Variants in NUMA1 observed in about 807,000 individuals in gnomAD.
NUMA1 encodes SP-H antigen.
A neutral mutation model predicts 237.1 loss-of-function variants in NUMA1; 62 were observed. That is an observed-to-expected ratio of 0.26 (90% CI 0.21 to 0.32). The LOEUF is 0.32. NUMA1 is among the 10% of genes least tolerant of loss of function. The pLI, the probability that NUMA1 is intolerant of heterozygous loss-of-function variation, is 1.00. For synonymous variants in NUMA1, 1,028 were observed against 1,066.1 expected (o/e 0.96, Z 0.70); for missense variants, 2,533 against 2,666.5 (o/e 0.95, Z 1.10).
In NUMA1 at chr11:72,014,612, T is replaced by C; in HGVS notation, c.2891A>G (p.Gln964Arg). 1 of 1,608,430 alleles carries C rather than the reference T, an allele frequency of 6.2e-7. No individual in the cohort carries two copies. The highest frequency in any genetic ancestry group is 8.5e-7 in the Non-Finnish European group (1 of 1,180,002). Reference protein sequence around the residue: ...EQQGRQFCSTQAALQAMEREA... With the variant: ...EQQGRQFCSTRAALQAMEREA... ...CCGCTCCATAGCCTGCAGCGCTGCC[T>C]GTGTGCTGCAGAACTGGCGTCCCTG... The change falls in exon 15 of 27, where the codon CAG becomes CGG. Residue 964 changes from glutamine (Q) to arginine (R), a missense_variant. Coordinates refer to ENST00000393695, the MANE Select transcript of NUMA1 (RefSeq NM_006185.4). This position sits in a 1 kb window ranked among gnomAD's most constrained non-coding sequence, Gnocchi z 4.6.
In NUMA1 at chr11:72,006,283, T is replaced by C; in HGVS notation, c.5464-20A>G. 1 of 1,608,034 alleles carries C rather than the reference T, an allele frequency of 6.2e-7. No homozygotes were observed. Reference sequence around the variant, plus strand: ...TAGCTTCTGGAAGACAGAGTGAATCTGTTGCAGTGTACAGTCCCTGGCACT... The same window carrying C: ...TAGCTTCTGGAAGACAGAGTGAATCCGTTGCAGTGTACAGTCCCTGGCACT... On this transcript the variant is annotated intron_variant, in intron 21 of 26. Transcript: ENST00000393695.
Position 72,023,080 on chromosome 11 carries a change from C to T in NUMA1, c.276G>A (p.Glu92=). The T allele has an allele frequency of 6.2e-7, 1 of 1,613,824 alleles. No homozygotes were observed. Among genetic ancestry groups the T allele is most frequent in the Non-Finnish European group, 8.5e-7 (1 of 1,179,768 alleles). ...CCATAGGTACCTTCGCCAGTTCCAGCTCTGATCCCTCTAGCACCTTCTGTG... is the reference window on the plus strand; with the variant it reads ...CCATAGGTACCTTCGCCAGTTCCAGTTCTGATCCCTCTAGCACCTTCTGTG... The part of the protein sequence containing the change: ...VSAQKVLEGS[E]LELAKMTMLL... The change falls in exon 6 of 27, where the codon GAG becomes GAA. Residue 92 remains glutamate, a synonymous_variant. Transcript: ENST00000393695.
Position 72,014,855 on chromosome 11 carries a change from C to G in NUMA1, c.2648G>C (p.Arg883Thr). The G allele has an allele frequency of 6.2e-7, 1 of 1,614,260 alleles. No homozygotes were observed. The highest frequency in any genetic ancestry group is 8.5e-7 in the Non-Finnish European group (1 of 1,180,050). The change falls in exon 15 of 27, where the codon AGA becomes ACA. Residue 883 changes from arginine (R) to threonine (T), a missense_variant. Arg to Thr is a moderately conservative substitution (Grantham distance 71). Transcript: ENST00000393695. This position sits in a 1 kb window ranked among gnomAD's most constrained non-coding sequence, Gnocchi z 4.6. The part of the protein sequence containing the change: ...ELAELHANLA[R>T]ALQQVQEKEV... ...CTTCTCTTGGACCTGCTGGAGTGCT[C>G]TGGCCAGGTTGGCATGGAGCTCAGC...
intron 22 of NUMA1, 65 bp downstream of exon 22, chr11:72,005,969 TC>T (rs1426830156): frequency 2.3e-6 from 3 of 1,326,338 alleles, no homozygotes; most frequent in African/African-American, 1.5e-5. Flanking sequence ...TTTCCTCTTT[TC>T]CCTGTGCCAC....
Position 72,013,589 on chromosome 11 carries a change from C to A in NUMA1, c.3914G>T (p.Arg1305Leu), listed in dbSNP as rs773308468. The change falls in exon 15 of 27, where the codon CGG becomes CTG. Residue 1305 changes from arginine (R) to leucine (L), a missense_variant. Transcript: ENST00000393695. The surrounding 1 kb of genome is among the most constrained non-coding windows in gnomAD (Gnocchi z 6.8). Reference protein sequence around the residue: ...QSLREEAEKQRVASENLRQEL... With the variant: ...QSLREEAEKQLVASENLRQEL... ...CTGCCGCAGGTTCTCTGAAGCCACC[C>A]GCTGTTTCTCAGCCTCCTCCCGGAG... The A allele has an allele frequency of 6.2e-7, 1 of 1,612,730 alleles. No homozygotes were observed. The highest frequency in any genetic ancestry group is 8.5e-7 in the Non-Finnish European group (1 of 1,180,016).
chr11:72,004,230 T>G lies in NUMA1; in HGVS notation c.6118A>C (p.Lys2040Gln), dbSNP rs770301161. ...CCCTTCAGCCCCAGCCTCACCTGTT[T>G]AGTAGAAGCTGGAGCTGCTTTCTTC... ...AQKKAAPASTKQADRRQSMAF... is the reference protein window; with the variant it reads ...AQKKAAPASTQQADRRQSMAF... Residue 2040 changes from lysine (K) to glutamine (Q), a missense_variant, in exon 25 of 27, where the codon AAA becomes CAA. This residue lies in a region of NUMA1 where 795 missense variants were observed against 750.8 expected (regional missense o/e 1.06). Transcript: ENST00000393695. 1.9e-6 allele frequency: 3 copies of G among 1,610,432 alleles called. No individual in the cohort carries two copies. Among genetic ancestry groups the G allele is most frequent in the Non-Finnish European group, 2.5e-6 (3 of 1,178,882 alleles).
At chr11:72,066,485 C>T (rs540706186) in intron 2 of NUMA1, 1 of 152,304 alleles carries the variant, frequency 6.6e-6, no homozygotes, top group South Asian at 2.1e-4. Context: ...TCAGTTCATT[C>T]CCTAAAATAT....
intron 2 of NUMA1, chr11:72,042,184 C>A: frequency 6.6e-6 from 1 of 152,376 alleles, no homozygotes; most frequent in Non-Finnish European, 1.5e-5. Context: ...CATTTCCCCC[C>A]ACTGAATAGC....
chr11:72,030,547 T>G (rs1012723520), intron 3 of NUMA1, among the ~76,000 whole-genome samples: 2 of 152,208 alleles, frequency 1.3e-5, no homozygotes, highest in Non-Finnish European at 2.9e-5. Flanking sequence ...GGTTATTCAA[T>G]AAGTATACAT....
intron 3 of NUMA1, among the ~76,000 whole-genome samples, chr11:72,029,652 T>C (rs542434993): frequency 2.0e-5 from 3 of 152,236 alleles, no homozygotes; most frequent in Non-Finnish European, 4.4e-5. Flanking sequence ...GAAAGGCTCT[T>C]ACATTATAAC....
In NUMA1 at chr11:72,014,543, G is replaced by A. The variant is rs1223031309; in HGVS notation, c.2960C>T (p.Ala987Val). ...MGNELERLRA[A>V]LMESQGQQQE... ...CTGCTGCCCCTGGCTCTCCATCAGC[G>A]CGGCCCGCAGCCGTTCCAGCTCATT... Residue 987 changes from alanine to valine, a missense_variant, in exon 15 of 27, where the codon GCG (alanine) becomes GTG (valine). Coordinates refer to ENST00000393695, the MANE Select transcript of NUMA1 (RefSeq NM_006185.4). The surrounding 1 kb of genome is among the most constrained non-coding windows in gnomAD (Gnocchi z 4.6). 12 of 1,602,086 alleles carry A rather than the reference G, an allele frequency of 7.5e-6. No homozygotes were observed. Among genetic ancestry groups the A allele is most frequent in the African/African-American group, 5.3e-5 (4 of 74,910 alleles).
intron 3 of NUMA1, 23 bp from the exon 4 acceptor site, chr11:72,029,313 T>A: frequency 6.6e-7 from 1 of 1,523,308 alleles, no homozygotes. Flanking sequence ...GGGAACAGCC[T>A]AGTGAGACCG....
intron 10 of NUMA1, 110 bp downstream of exon 10, chr11:72,018,713 C>T: frequency 7.3e-7 from 1 of 1,364,298 alleles, no homozygotes; most frequent in Non-Finnish European, 1.0e-6. Context: ...ACCACAGGCC[C>T]AGGGCTGAGC....
intron 21 of NUMA1, 48 bp from the exon 22 acceptor site, chr11:72,006,311 A>G (rs1431152053): frequency 6.5e-7 from 1 of 1,537,540 alleles, no homozygotes; most frequent in South Asian, 1.1e-5. Context: ...CTGGCACTGT[A>G]CAGAAGCTTC....
intron 2 of NUMA1, among the ~76,000 whole-genome samples, chr11:72,049,810 G>A (rs1942241465): frequency 6.6e-6 from 1 of 150,450 alleles, no homozygotes; most frequent in African/African-American, 2.4e-5. Context: ...GCAACAGAGT[G>A]AGACCCTGTC....
At chr11:72,022,990 A>G (rs1473066968) in intron 6 of NUMA1, 75 bp downstream of exon 6, 1 of 1,012,908 alleles carries the variant, frequency 9.9e-7, no homozygotes, top group Non-Finnish European at 1.5e-6. Context: ...GGGTTAAGAG[A>G]AGGCCCTGCA....
intron 15 of NUMA1, 41 bp downstream of exon 15, chr11:72,012,854 G>A: frequency 6.3e-7 from 1 of 1,597,026 alleles, no homozygotes; most frequent in Non-Finnish European, 8.5e-7. Context: ...CGCGCTCTCA[G>A]CTCCTGATCT....
intron 17 of NUMA1, 46 bp downstream of exon 17, chr11:72,010,740 T>A: frequency 6.3e-7 from 1 of 1,587,838 alleles, no homozygotes; most frequent in East Asian, 2.2e-5. Context: ...GAGAATAGCT[T>A]CCCTCCCTTG....
chr11:72,066,699 G>C (rs1416616916), intron 2 of NUMA1: 1 of 152,130 alleles, frequency 6.6e-6, no homozygotes, highest in Non-Finnish European at 1.5e-5. Flanking sequence ...TCCTCTATGT[G>C]CTCCCATATT....
Sources: gnomAD v4.1 joint callset for allele counts (sites outside exome capture counted in the v4.1 genomes callset) on GRCh38, gnomAD v4.1.1 for gene constraint, gnomAD v4.1.1 regional missense constraint, Gnocchi (gnomAD v3.1) non-coding constraint, MANE v1.5 for transcripts, NCBI Gene and HGNC (gene_info 2026-07-23, HGNC 2026-07-21) for gene names.